SMG1: variants seen among roughly 807,000 people sequenced by gnomAD.
SMG1 encodes the protein serine/threonine-protein kinase SMG1.
In SMG1, 22 loss-of-function variants were observed where a neutral mutation model predicts 419.9. The ratio of observed to expected loss-of-function variants is 0.05; its 90% CI spans 0.04 to 0.07. The LOEUF is 0.07. SMG1 is among the 10% of genes least tolerant of loss of function. The pLI is 1.00. For synonymous variants in SMG1, 1,538 were observed against 1,553.5 expected (o/e 0.99, Z 0.23); for missense variants, 3,185 against 4,342.0 (o/e 0.73, Z 7.49).
At chr16:18,889,900 T>G (rs1254184103) in intron 5 of SMG1, among the ~76,000 whole-genome samples, 7 of 152,152 alleles carry the variant, frequency 4.6e-5, no homozygotes, top group Non-Finnish European at 7.4e-5. Flanking sequence ...CAACAAATAA[T>G]TAGATAAAAC....
chr16:18,836,002 T>G lies in SMG1; in HGVS notation c.7988A>C (p.Gln2663Pro). ...KAIFQKHRIE[Q>P]WKTWMEELIC... Reference sequence around the variant, plus strand: ...GAGCTCTTCCATCCAGGTCTTCCACTGTTCAATTCGATGTTTCTGAAATAT... The same window carrying G: ...GAGCTCTTCCATCCAGGTCTTCCACGGTTCAATTCGATGTTTCTGAAATAT... Residue 2663 changes from glutamine (Q) to proline (P), a missense_variant, in exon 48 of 63, where the codon CAG becomes CCG. Physicochemically the swap from Gln to Pro is moderately conservative, Grantham distance 76. Around this residue, in one of 27 missense-constraint regions of SMG1, gnomAD observed 412 missense variants for 546.6 expected, o/e 0.75. Transcript: ENST00000446231. The G allele has an allele frequency of 6.4e-7, 1 of 1,559,702 alleles. No individual in the cohort carries two copies. Among genetic ancestry groups the G allele is most frequent in the Non-Finnish European group, 8.7e-7 (1 of 1,151,258 alleles).
At chr16:18,821,255 T>C (rs2032536149) in intron 55 of SMG1, among the ~76,000 whole-genome samples, 1 of 36,344 alleles carries the variant, frequency 2.8e-5, no homozygotes, top group Non-Finnish European at 7.6e-5. Context: ...TTTTTTTCTT[T>C]TTTTTTTTTT....
rs949680893 is a variant in SMG1 at position 18,810,666 on chromosome 16, G to A, written c.10909-1020C>T. Among the ~76,000 whole-genome samples, 9 of 152,218 alleles carry A rather than the reference G, an allele frequency of 5.9e-5. No individual in the cohort carries two copies. In the East Asian group the frequency reaches 1.3e-3, roughly 23 times the overall value. ...AGGTCGGAGGAACAGGGGGTTCAGA[G>A]AGGAGGAATAAGCAATAAAGGATAT... On this transcript the variant is annotated intron_variant, in intron 62 of 62. Transcript: ENST00000446231.
At chr16:18,877,077 T>C (rs1358740217) in intron 12 of SMG1, 54 bp downstream of exon 12, 2 of 1,303,004 alleles carry the variant, frequency 1.5e-6, no homozygotes, top group Admixed American at 4.0e-5. Flanking sequence ...CAACATTAGG[T>C]CCAACTCTTC....
At chr16:18,839,646 A>G in intron 42 of SMG1, 52 bp downstream of exon 42, 2 of 1,600,064 alleles carry the variant, frequency 1.2e-6, no homozygotes, top group Admixed American at 3.4e-5. Context: ...GCAAGAAGGT[A>G]GCAGGCAAAA....
chr16:18,815,761 A>G (rs958868594), intron 58 of SMG1, 110 bp from the exon 59 acceptor site: 1 of 868,546 alleles, frequency 1.2e-6, no homozygotes, highest in Non-Finnish European at 1.7e-6. Context: ...GAGTGTGTTT[A>G]AACTGCTTAG....
At chr16:18,885,423 A>G (rs2036572500) in intron 7 of SMG1, 118 bp downstream of exon 7, 1 of 1,312,370 alleles carries the variant, frequency 7.6e-7, no homozygotes, top group Non-Finnish European at 1.1e-6. Context: ...GGAACCTCAA[A>G]TATCACTGAT....
chr16:18,915,074 C>G (rs1340763358), intron 1 of SMG1, among the ~76,000 whole-genome samples: 1 of 151,792 alleles, frequency 6.6e-6, no homozygotes, highest in Non-Finnish European at 1.5e-5. Flanking sequence ...CAAGTTCAAG[C>G]AATTCTCCTG....
rs573001346 is a variant in SMG1 at position 18,887,380 on chromosome 16, C to T, written c.823-1714G>A. ...GTTTTGTTTTTTTGAGATAGGGTTG[C>T]CTATAATGGAGTGCAGTAGCTTGAC... On this transcript the variant is annotated intron_variant, in intron 6 of 62. Coordinates refer to ENST00000446231, the MANE Select transcript of SMG1 (RefSeq NM_015092.5). 1.2e-4 allele frequency among the ~76,000 whole-genome samples: 18 copies of T among 151,850 alleles called. No individual in the cohort carries two copies. The South Asian group carries it at 3.1e-3, about 26-fold the overall frequency.
intron 15 of SMG1, 142 bp downstream of exon 15, chr16:18,872,042 G>A (rs940021362): frequency 1.4e-4 from 66 of 463,364 alleles, no homozygotes; most frequent in Non-Finnish European, 1.9e-4. Flanking sequence ...ATTATAAGGT[G>A]TTTGACAATA....
intron 49 of SMG1, 94 bp downstream of exon 49, chr16:18,834,798 A>G: frequency 7.4e-7 from 1 of 1,346,488 alleles, no homozygotes; most frequent in Non-Finnish European, 1.0e-6. Context: ...CAGCTGTAAC[A>G]CTTGGCAAGA....
intron 38 of SMG1, among the ~76,000 whole-genome samples, 173 bp from the exon 39 acceptor site, chr16:18,845,824 GT>G (rs150457031): frequency 6.6e-6 from 1 of 150,586 alleles, no homozygotes; most frequent in Non-Finnish European, 1.5e-5. Flanking sequence ...TTTTGGTTTT[GT>G]TTTTTTTTGG....
intron 35 of SMG1, 96 bp from the exon 36 acceptor site, chr16:18,849,474 G>C: frequency 1.7e-6 from 2 of 1,156,362 alleles, no homozygotes; most frequent in Non-Finnish European, 2.5e-6. Context: ...CGTGATGTGT[G>C]TCGGCATTAG....
chr16:18,812,042 T>C lies in SMG1; in HGVS notation c.10707A>G (p.Thr3569=), dbSNP rs1205668714. Residue 3569 remains threonine (T), a synonymous_variant, in exon 61 of 63, where the codon ACA becomes ACG. Coordinates refer to ENST00000446231, the MANE Select transcript of SMG1 (RefSeq NM_015092.5). Reference sequence around the variant, plus strand: ...CGGTGCTTGGTGGAGTATCAGCTGATGTAGCAAGATTTTTTTGGATCAGCT... The same window carrying C: ...CGGTGCTTGGTGGAGTATCAGCTGACGTAGCAAGATTTTTTTGGATCAGCT... ...ARKLIQKNLA[T]SADTPPSTVP... The C allele has an allele frequency of 5.6e-6, 9 of 1,613,982 alleles. No individual in the cohort carries two copies. Among genetic ancestry groups the C allele is most frequent in the Non-Finnish European group, 7.6e-6 (9 of 1,179,882 alleles).
At chr16:18,851,976 A>G (rs893804089) in intron 33 of SMG1, 91 bp downstream of exon 33, 6 of 1,333,290 alleles carry the variant, frequency 4.5e-6, no homozygotes, top group African/African-American at 1.5e-5. Flanking sequence ...GGTAAGCCCC[A>G]TTCAGTATTT....
chr16:18,851,054 C>T (rs2034563454), intron 33 of SMG1, among the ~76,000 whole-genome samples: 1 of 152,130 alleles, frequency 6.6e-6, no homozygotes, highest in Non-Finnish European at 1.5e-5. Flanking sequence ...CGCACCCAGC[C>T]TATGCCTGCA....
At chr16:18,874,203 A>G (rs183957553) in intron 13 of SMG1, among the ~76,000 whole-genome samples, 155 of 151,992 alleles carry the variant, frequency 1.0e-3, no homozygotes, top group African/African-American at 3.6e-3. Context: ...CAGTGGTGTG[A>G]TCTCAGCTCA....
At chr16:18,833,809 C>G (rs1169330983) in intron 50 of SMG1, among the ~76,000 whole-genome samples, 1 of 152,186 alleles carries the variant, frequency 6.6e-6, no homozygotes, top group African/African-American at 2.4e-5. Flanking sequence ...ATATTATACA[C>G]TCTCCATTTA....
chr16:18,814,046 ATTAAATTAAATT>A (rs2031739370), intron 60 of SMG1, among the ~76,000 whole-genome samples: 2 of 138,164 alleles, frequency 1.4e-5, no homozygotes, highest in Non-Finnish European at 3.2e-5. Flanking sequence ...AAAAAAAAAA[ATTAAATTAAATT>A]AAAAAAAAAT....
Sources: allele counts gnomAD v4.1 joint callset (sites outside exome capture counted in the v4.1 genomes callset), GRCh38; gene constraint gnomAD v4.1.1; regional missense constraint gnomAD v4.1.1; transcripts MANE v1.5; gene names NCBI Gene and HGNC (gene_info 2026-07-23, HGNC 2026-07-21).